Variants in CR1 observed in about 807,000 individuals in gnomAD.
The protein encoded by CR1 is complement receptor type 1.
A neutral mutation model predicts 187.3 loss-of-function variants in CR1; 116 were observed. That is an observed-to-expected ratio of 0.62 (90% CI 0.53 to 0.72). The LOEUF is 0.72. CR1 is among the 30% of genes least tolerant of loss of function. The pLI is 0.00. For missense variants in CR1, 1,731 were observed against 2,110.7 expected, an observed-to-expected ratio of 0.82 and a Z score of 3.52; for synonymous variants, 576 against 747.1, an observed-to-expected ratio of 0.77 and a Z score of 3.73.
At chr1:207,577,264 A>C (rs1414939794) in intron 28 of CR1, among the ~76,000 whole-genome samples, 1 of 145,040 alleles carries the variant, frequency 6.9e-6, no homozygotes, top group Non-Finnish European at 1.5e-5. Context: ...AAACAAACAA[A>C]CAAAAAAAAA....
intron 35 of CR1, among the ~76,000 whole-genome samples, chr1:207,598,161 T>C (rs1038624878): frequency 6.6e-6 from 1 of 152,180 alleles, no homozygotes; most frequent in African/African-American, 2.4e-5. Flanking sequence ...AACTAAGCAG[T>C]GATAATGGTT....
At chr1:207,500,285 G>A (rs951848731) in intron 1 of CR1, among the ~76,000 whole-genome samples, 22 of 152,116 alleles carry the variant, frequency 1.4e-4, no homozygotes, top group South Asian at 1.2e-3. Flanking sequence ...ATTTATGTTC[G>A]TGTACATATA....
intron 4 of CR1, among the ~76,000 whole-genome samples, chr1:207,514,404 G>C (rs1423537791): frequency 6.6e-6 from 1 of 152,080 alleles, no homozygotes; most frequent in Admixed American, 6.6e-5. Flanking sequence ...TACCCCTAAA[G>C]TGATGACATT....
chr1:207,566,939 A>G (rs1279615520), intron 24 of CR1, among the ~76,000 whole-genome samples: 1 of 150,414 alleles, frequency 6.6e-6, no homozygotes, highest in Non-Finnish European at 1.5e-5. Context: ...TAACTTATAT[A>G]GAGATTCTTG....
At chr1:207,596,808 T>C (rs532258419) in intron 35 of CR1, among the ~76,000 whole-genome samples, 220 of 147,780 alleles carry the variant, frequency 1.5e-3, no homozygotes, top group Admixed American at 5.2e-3. Context: ...ATATATAATA[T>C]AACATAAAAT....
intron 1 of CR1, among the ~76,000 whole-genome samples, chr1:207,502,472 C>A (rs1320858836): frequency 1.3e-5 from 2 of 151,920 alleles, no homozygotes; most frequent in Admixed American, 6.6e-5. Flanking sequence ...TTAGCAGATG[C>A]CTGAAGGAAG....
At chr1:207,595,326 G>A (rs994499836) in intron 35 of CR1, among the ~76,000 whole-genome samples, 2 of 151,874 alleles carry the variant, frequency 1.3e-5, no homozygotes, top group Non-Finnish European at 2.9e-5. Context: ...GCATTAATTA[G>A]CACATAATGG....
chr1:207,587,768 T>A (rs1233166237), intron 34 of CR1, among the ~76,000 whole-genome samples: 1 of 152,192 alleles, frequency 6.6e-6, no homozygotes, highest in Non-Finnish European at 1.5e-5. Flanking sequence ...GTAGGTGGGA[T>A]TTGATTCAAT....
rs1158666652 is a variant in CR1, at chr1:207,578,054, G to A, written c.4787G>A (p.Gly1596Glu). ...TGCACGCCTCCAAATGTGGAAAATG[G>A]AATATTGGTATCTGACAACAGAAGC... is the stretch of plus-strand genomic sequence containing the variant. ...NKCTPPNVEN[G>E]ILVSDNRSLF... The change falls in exon 29 of 47, where the codon GGA (glycine) becomes GAA (glutamate). Residue 1596 changes from glycine (G) to glutamate (E), a missense_variant. By Grantham distance (98) the Gly-to-Glu change is moderately conservative. Transcript: ENST00000367049. 1 of 1,611,662 alleles carries A rather than the reference G, an allele frequency of 6.2e-7. No homozygotes were observed. Among genetic ancestry groups the A allele is most frequent in the South Asian group, 1.1e-5 (1 of 90,992 alleles).
rs1659697764 is a variant in CR1 at position 207,513,757 on chromosome 1, TCCCTC to T, written c.487+2106_487+2110del. Reference sequence around the variant, plus strand: ...TTTCCTCCCTCCCTCCCTCCCTCCCTCCCTCCCTTCCTTCCTTCCTTCCTTCTTTC... The same window carrying T: ...TTTCCTCCCTCCCTCCCTCCCTCCCTCCTTCCTTCCTTCCTTCCTTCTTTC... On this transcript the variant is annotated intron_variant, in intron 4 of 46. Transcript: ENST00000367049. 1.2e-4 allele frequency among the ~76,000 whole-genome samples: 9 copies of T among 72,890 alleles called. No homozygotes were observed. In the Admixed American group the frequency reaches 1.3e-3, roughly 10 times the overall value. The allele number at this position is 72,890 out of a possible 152,430, so 47.8% of individuals were successfully genotyped here. A position where few individuals can be genotyped will look rare whatever the true frequency, so the allele number is the denominator to read the frequency against.
chr1:207,507,592 A>G (rs1659479960), intron 3 of CR1: 1 of 152,264 alleles, frequency 6.6e-6, no homozygotes, highest in African/African-American at 2.4e-5. Flanking sequence ...TTTCCAAATA[A>G]GATCACATTA....
intron 1 of CR1, among the ~76,000 whole-genome samples, chr1:207,505,208 C>T (rs1246618852): frequency 6.6e-6 from 1 of 152,168 alleles, no homozygotes; most frequent in Non-Finnish European, 1.5e-5. Context: ...GGCTGGAGTG[C>T]AGTGGCACAG....
At position 207,635,894 on chromosome 1, in the gene CR1, T is replaced by C. The variant is rs192011998; in HGVS notation, c.7458-3503T>C. The stretch of plus-strand genomic sequence containing the variant: ...CAAAGCACATCTGCACAGCCCTTAA[T>C]CCATTTAACCCTGAGTTGACACAGC... On this transcript the variant is annotated intron_variant, in intron 46 of 46. Coordinates refer to ENST00000367049, the MANE Select transcript of CR1 (RefSeq NM_000651.6). 4.6e-5 allele frequency among the ~76,000 whole-genome samples: 7 copies of C among 152,312 alleles called. No individual in the cohort carries two copies. In the East Asian group the frequency reaches 1.2e-3, roughly 25 times the overall value.
chr1:207,585,682 A>C (rs1025483526), intron 33 of CR1, among the ~76,000 whole-genome samples: 1 of 152,238 alleles, frequency 6.6e-6, no homozygotes, highest in African/African-American at 2.4e-5. Context: ...GATGAAAGGC[A>C]TTTAACCTTT....
At chr1:207,572,304 C>G (rs1660603575) in intron 27 of CR1, among the ~76,000 whole-genome samples, 1 of 149,002 alleles carries the variant, frequency 6.7e-6, no homozygotes, top group Non-Finnish European at 1.5e-5. Flanking sequence ...AGGAAGAGTC[C>G]ATCAATACAG....
chr1:207,577,705 G>A lies in CR1; in HGVS notation c.4538-100G>A, dbSNP rs1395034685. On this transcript the variant is annotated intron_variant, in intron 28 of 46. Coordinates refer to ENST00000367049, the MANE Select transcript of CR1 (RefSeq NM_000651.6). ...GGATTGCTTGACCTGGGAAGTAGAG[G>A]TTGCAGTTAGCCATGATTGTGCCAC... The A allele has an allele frequency of 2.6e-6, 4 of 1,541,174 alleles. 1 individual carries two copies. Among genetic ancestry groups the A allele is most frequent in the African/African-American group, 1.4e-5 (1 of 73,050 alleles).
chr1:207,580,463 T>C, intron 30 of CR1, 47 bp downstream of exon 30: 1 of 1,605,512 alleles, frequency 6.2e-7, no homozygotes, highest in South Asian at 1.1e-5. Context: ...ACCCCACACA[T>C]GGAGGTCTTA....
At chr1:207,499,970 C>T (rs1295350859) in intron 1 of CR1, among the ~76,000 whole-genome samples, 1 of 151,978 alleles carries the variant, frequency 6.6e-6, no homozygotes, top group Non-Finnish European at 1.5e-5. Context: ...GTTGACAATC[C>T]CTCTCACCCT....
At chr1:207,496,633 C>A (rs1166476689) in intron 1 of CR1, among the ~76,000 whole-genome samples, 1 of 152,176 alleles carries the variant, frequency 6.6e-6, no homozygotes, top group Non-Finnish European at 1.5e-5. Context: ...TCGTGACGAG[C>A]GCAGTGGAAG....
Sources: allele counts gnomAD v4.1 joint callset (sites outside exome capture counted in the v4.1 genomes callset), GRCh38; gene constraint gnomAD v4.1.1; transcripts MANE v1.5; gene names NCBI Gene and HGNC (gene_info 2026-07-23, HGNC 2026-07-21).